The following GRB7 variants were observed in gnomAD, a reference collection of about 807,000 sequenced individuals.
GRB7 encodes the protein growth factor receptor bound protein 7.
A neutral mutation model predicts 64.1 loss-of-function variants in GRB7; 47 were observed. The observed-to-expected ratio is 0.73, with a 90% CI of 0.58 to 0.94. The LOEUF (loss-of-function observed/expected upper bound fraction) is 0.94. Among genes scored for constraint, GRB7 ranks in the 40% least tolerant of loss-of-function variants. The probability of loss-of-function intolerance (pLI) is 0.00; values close to 1 mark genes in which losing one functional copy is unlikely to be tolerated. For missense variants in GRB7, 634 were observed against 718.4 expected (o/e 0.88, Z 1.34); for synonymous variants, 277 against 279.9 (o/e 0.99, Z 0.10).
chr17:39,746,983 C>G lies in GRB7; in HGVS notation c.*86C>G, dbSNP rs1472478088. The G allele has an allele frequency of 6.9e-7, 1 of 1,444,526 alleles. No individual in the cohort carries two copies. The highest frequency in any genetic ancestry group is 1.4e-5 in the African/African-American group (1 of 71,656). The allele number at this position is 1,444,526 out of a possible 1,614,324, so 89.5% of individuals were successfully genotyped here. ...CATCCAGTGGACTCTGGGGCGCGGC[C>G]ACAGGGGACGGGATGAGGAGCGGGA... On this transcript the variant is annotated 3_prime_UTR_variant, in exon 15 of 15. Coordinates refer to ENST00000309156, the MANE Select transcript of GRB7 (RefSeq NM_005310.5).
chr17:39,745,696 C>T, intron 11 of GRB7, 32 bp from the exon 12 acceptor site: 1 of 1,611,284 alleles, frequency 6.2e-7, no homozygotes, highest in Non-Finnish European at 8.5e-7. Context: ...CAAGCACGCC[C>T]CGACTCTCCC....
chr17:39,740,593 G>A (rs1002818508), intron 1 of GRB7, among the ~76,000 whole-genome samples: 7 of 152,224 alleles, frequency 4.6e-5, no homozygotes, highest in Admixed American at 2.0e-4. Flanking sequence ...CACCTGGCCT[G>A]GAGCTAGGCC....
intron 1 of GRB7, 77 bp downstream of exon 1, chr17:39,738,210 A>C (rs9896218): frequency 0.12 from 18,793 of 152,310 alleles, 1,988 homozygotes; most frequent in African/African-American, 0.29. Context: ...AGGCTGTGCC[A>C]GTCTCCGGCT....
At chr17:39,745,099 C>T (rs2060032447) in intron 9 of GRB7, 115 bp downstream of exon 9, 4 of 1,083,498 alleles carry the variant, frequency 3.7e-6, no homozygotes, top group African/African-American at 1.6e-5. Context: ...TGATAACCCC[C>T]AGTCCAAGCC....
chr17:39,739,764 A>AGCC (rs2059979979), intron 1 of GRB7, among the ~76,000 whole-genome samples: 1 of 152,150 alleles, frequency 6.6e-6, no homozygotes, highest in Non-Finnish European at 1.5e-5. Flanking sequence ...GGACGGAGTT[A>AGCC]CCTCGTTGAG....
chr17:39,746,852 C>T lies in GRB7; in HGVS notation c.1554C>T (p.Ile518=), dbSNP rs781025625. 7.2e-5 allele frequency: 116 copies of T among 1,613,244 alleles called. No homozygotes were observed. Among genetic ancestry groups the T allele is most frequent in the Non-Finnish European group, 9.6e-5 (113 of 1,180,042 alleles). ...LVEFHQLNRG[I]LPCLLRHCCT... ...AGTTCCACCAGCTGAACCGCGGCAT[C>T]CTGCCGTGCTTGCTGCGCCATTGCT... Residue 518 remains isoleucine (I), a synonymous_variant, in exon 15 of 15, where the codon ATC becomes ATT. Coordinates refer to ENST00000309156, the MANE Select transcript of GRB7 (RefSeq NM_005310.5).
chr17:39,738,868 T>G (rs1005215293), intron 1 of GRB7: 9 of 1,533,598 alleles, frequency 5.9e-6, no homozygotes, highest in African/African-American at 1.4e-5. Context: ...CTCTCCAGAT[T>G]GTATGCCCTT....
chr17:39,743,186 G>C lies in GRB7; in HGVS notation c.470G>C (p.Gly157Ala), dbSNP rs1464067846. The change falls in exon 5 of 15, where the codon GGT becomes GCT. Residue 157 changes from glycine (G) to alanine (A), a missense_variant. Physicochemically the swap from Gly to Ala is moderately conservative, Grantham distance 60. Coordinates refer to ENST00000309156, the MANE Select transcript of GRB7 (RefSeq NM_005310.5). ...ECHPHLALER[G>A]LEDHESVVEV... is the part of the protein sequence containing the mutation. ...TTTTTGCCCTTGTCCCCAGAGCGGG[G>C]TTTGGAGGACCACGAGTCCGTGGTG... 6.2e-7 allele frequency: 1 copy of C among 1,614,070 alleles called. No individual in the cohort carries two copies. The highest frequency in any genetic ancestry group is 8.5e-7 in the Non-Finnish European group (1 of 1,180,034).
rs369311695 is a variant in GRB7 at position 39,742,662 on chromosome 17, C to G, written c.252C>G (p.Leu84=). The G allele has an allele frequency of 1.2e-6, 2 of 1,605,148 alleles. No homozygotes were observed. The highest frequency in any genetic ancestry group is 1.3e-5 in the African/African-American group (1 of 74,566). Residue 84 remains leucine (L), a synonymous_variant, in exon 3 of 15, where the codon CTC becomes CTG. Coordinates refer to ENST00000309156, the MANE Select transcript of GRB7 (RefSeq NM_005310.5). ...GTCCTCCCTCACAGAGCCCAATTCT[C>G]GGGGGCCCCTCCAGTGCAAGGGGGC... The part of the protein sequence containing the change: ...LCSPPSQSPI[L]GGPSSARGLL...
intron 14 of GRB7, 121 bp downstream of exon 14, chr17:39,746,323 CAAG>C: frequency 1.3e-6 from 1 of 798,660 alleles, no homozygotes. Context: ...TTTCCCTGCA[CAAG>C]AAGTGGGAGG....
intron 7 of GRB7, 141 bp from the exon 8 acceptor site, chr17:39,744,412 G>T: frequency 1.2e-6 from 1 of 843,202 alleles, no homozygotes; most frequent in South Asian, 1.6e-5. Flanking sequence ...TTTAAGTCCT[G>T]GCTCTACTTC....
rs375142512 is a variant in GRB7 at position 39,746,838 on chromosome 17, C to T, written c.1540C>T (p.Leu514=). The T allele has an allele frequency of 5.0e-6, 8 of 1,613,594 alleles. No individual in the cohort carries two copies. In the African/African-American group the frequency reaches 1.1e-4, roughly 22 times the overall value. The change falls in exon 15 of 15, where the codon CTG becomes TTG. Residue 514 remains leucine, a synonymous_variant. Coordinates refer to ENST00000309156, the MANE Select transcript of GRB7 (RefSeq NM_005310.5). ...GCTGCAGCTCGTGGAGTTCCACCAG[C>T]TGAACCGCGGCATCCTGCCGTGCTT... is the stretch of plus-strand genomic sequence containing the variant. ...DLLQLVEFHQ[L]NRGILPCLLR...
chr17:39,745,133 G>A (rs922848279), intron 9 of GRB7, 110 bp from the exon 10 acceptor site: 12 of 1,148,166 alleles, frequency 1.0e-5, no homozygotes, highest in Middle Eastern at 2.0e-4. Flanking sequence ...AGTGCCCATC[G>A]AAGGCAGAAA....
intron 10 of GRB7, 44 bp from the exon 11 acceptor site, chr17:39,745,378 A>G: frequency 6.2e-7 from 1 of 1,607,300 alleles, no homozygotes; most frequent in Non-Finnish European, 8.5e-7. Flanking sequence ...TCTTACGGGT[A>G]CCTGGGCCCT....
At chr17:39,741,593 G>A (rs1055143546) in intron 1 of GRB7, among the ~76,000 whole-genome samples, 1 of 152,236 alleles carries the variant, frequency 6.6e-6, no homozygotes, top group Non-Finnish European at 1.5e-5. Context: ...CACACGTGGA[G>A]GCAAAGGAGT....
At chr17:39,742,783 G>T (rs748295488) in intron 3 of GRB7, 67 bp downstream of exon 3, 34 of 1,521,132 alleles carry the variant, frequency 2.2e-5, no homozygotes, top group Non-Finnish European at 2.9e-5. Flanking sequence ...ATACACAGCC[G>T]CTTCCATGGA....
intron 1 of GRB7, among the ~76,000 whole-genome samples, chr17:39,740,692 C>T (rs1222615323): frequency 6.6e-6 from 1 of 152,174 alleles, no homozygotes; most frequent in African/African-American, 2.4e-5. Context: ...TCCCCCATTC[C>T]GCTCTGGCTA....
chr17:39,743,920 G>C (rs1405058854), intron 6 of GRB7, 150 bp from the exon 7 acceptor site: 2 of 911,816 alleles, frequency 2.2e-6, no homozygotes, highest in Non-Finnish European at 3.2e-6. Context: ...TTGAGCTCGG[G>C]AGGTCGAGGT....
rs771068593 is a variant in GRB7 at position 39,742,300 on chromosome 17, C to T, written c.-2C>T. On this transcript the variant is annotated 5_prime_UTR_variant, in exon 2 of 15. Coordinates refer to ENST00000309156, the MANE Select transcript of GRB7 (RefSeq NM_005310.5). ...GTTAAGCCCCTCTCTTGCTCAGACG[C>T]CATGGAGCTGGATCTGTCTCCACCT... 3 of 1,613,950 alleles carry T rather than the reference C, an allele frequency of 1.9e-6. No homozygotes were observed. The highest frequency in any genetic ancestry group is 1.1e-5 in the South Asian group (1 of 91,090).
Sources: allele counts gnomAD v4.1 joint callset (sites outside exome capture counted in the v4.1 genomes callset), GRCh38; gene constraint gnomAD v4.1.1; transcripts MANE v1.5; gene names NCBI Gene and HGNC (gene_info 2026-07-23, HGNC 2026-07-21).